AKR1C3: variants seen among roughly 807,000 people sequenced by gnomAD.
AKR1C3 encodes 3-alpha hydroxysteroid dehydrogenase, type II.
AKR1C3 carries 48 observed loss-of-function variants against 43.6 expected under a neutral mutation model. The ratio of observed to expected loss-of-function variants is 1.10; its 90% confidence interval spans 0.87 to 1.40. The LOEUF (loss-of-function observed/expected upper bound fraction) is 1.40, where lower values mean the gene tolerates loss of function less well. AKR1C3 is among the 40% of genes most tolerant of loss of function. The pLI, the probability that AKR1C3 is intolerant of heterozygous loss-of-function variation, is 0.00. For synonymous variants in AKR1C3, 162 were observed against 139.6 expected (o/e 1.16, Z -1.13); for missense variants, 482 against 391.2 (o/e 1.23, Z -1.96).
At chr10:5,086,760 C>T (rs1299842782) in intron 1 of AKR1C3, among the ~76,000 whole-genome samples, 6 of 152,146 alleles carry the variant, frequency 3.9e-5, no homozygotes, top group Admixed American at 3.9e-4. Flanking sequence ...CTGGGTGCTC[C>T]TGTATTGGAT....
At position 5,102,538 on chromosome 10, in the gene AKR1C3, C is replaced by A; in HGVS notation, c.734C>A (p.Ala245Glu). Residue 245 changes from alanine (A) to glutamate (E), a missense_variant, in exon 7 of 9, where the codon GCA (alanine) becomes GAA (glutamate). Physicochemically the swap from Ala to Glu is moderately radical, Grantham distance 107. Coordinates refer to ENST00000380554, the MANE Select transcript of AKR1C3 (RefSeq NM_003739.6). Reference protein sequence around the residue: ...LLEDPVLCALAKKHKRTPALI... With the variant: ...LLEDPVLCALEKKHKRTPALI... Reference sequence around the variant, plus strand: ...GAGGACCCAGTCCTTTGTGCCTTGGCAAAAAAGCACAAGCGAACCCCAGCC... The same window carrying A: ...GAGGACCCAGTCCTTTGTGCCTTGGAAAAAAAGCACAAGCGAACCCCAGCC... 6.4e-7 allele frequency: 1 copy of A among 1,573,298 alleles called. No homozygotes were observed. The highest frequency in any genetic ancestry group is 1.4e-5 in the African/African-American group (1 of 73,666).
At chr10:5,104,697 C>T (rs1172959137) in intron 7 of AKR1C3, among the ~76,000 whole-genome samples, 2 of 152,106 alleles carry the variant, frequency 1.3e-5, no homozygotes, top group Non-Finnish European at 2.9e-5. Flanking sequence ...TTGAGACTTT[C>T]AACCTATGAT....
chr10:5,077,649 CATT>C, intron 1 of AKR1C3: 1 of 1,065,208 alleles, frequency 9.4e-7, no homozygotes. Context: ...TTTTGCTGAA[CATT>C]CCCCTTAGTA....
chr10:5,049,499 C>G (rs7076574), intron 1 of AKR1C3, among the ~76,000 whole-genome samples: 20,298 of 152,216 alleles, frequency 0.13, 1,675 homozygotes, highest in East Asian at 0.23. Flanking sequence ...CGACTAGAAC[C>G]TAACAAGTTA....
intron 1 of AKR1C3, among the ~76,000 whole-genome samples, chr10:5,074,509 A>G (rs541019831): frequency 6.6e-6 from 1 of 152,206 alleles, no homozygotes; most frequent in Non-Finnish European, 1.5e-5. Flanking sequence ...AGGAAAGATT[A>G]ACTGACGGTC....
intron 1 of AKR1C3, among the ~76,000 whole-genome samples, chr10:5,075,704 G>A (rs1331599325): frequency 1.3e-4 from 20 of 152,048 alleles, no homozygotes; most frequent in African/African-American, 4.8e-4. Flanking sequence ...AAGAAACCCT[G>A]TCTCTACTAA....
chr10:5,056,985 C>G (rs912755320), intron 1 of AKR1C3, among the ~76,000 whole-genome samples: 9 of 152,180 alleles, frequency 5.9e-5, no homozygotes, highest in African/African-American at 1.9e-4. Context: ...AAGTCAATTT[C>G]CTGGTCCTGA....
intron 1 of AKR1C3, among the ~76,000 whole-genome samples, chr10:5,063,421 T>A (rs1838422075): frequency 6.6e-6 from 1 of 152,214 alleles, no homozygotes. Flanking sequence ...AATGTCATTT[T>A]AAAAAATCAC....
intron 1 of AKR1C3, among the ~76,000 whole-genome samples, chr10:5,068,702 G>C (rs1268117640): frequency 1.3e-5 from 2 of 152,188 alleles, no homozygotes; most frequent in Admixed American, 6.5e-5. Context: ...CCATGGAGAG[G>C]GGGTGGCAGG....
intron 1 of AKR1C3, among the ~76,000 whole-genome samples, chr10:5,077,386 T>A (rs1838737659): frequency 6.6e-6 from 1 of 152,200 alleles, no homozygotes; most frequent in African/African-American, 2.4e-5. Flanking sequence ...ATGGGTCATG[T>A]CAAGACTATA....
chr10:5,071,216 G>A (rs1480791724), intron 1 of AKR1C3, among the ~76,000 whole-genome samples: 1 of 152,196 alleles, frequency 6.6e-6, no homozygotes, highest in Non-Finnish European at 1.5e-5. Flanking sequence ...AAATTCCAAG[G>A]CCATAGTGAT....
At chr10:5,101,608 TTTTAATTAA>T (rs1196923159) in intron 5 of AKR1C3, among the ~76,000 whole-genome samples, 2 of 152,212 alleles carry the variant, frequency 1.3e-5, no homozygotes, top group African/African-American at 4.8e-5. Flanking sequence ...TCCTTAAGAT[TTTTAATTAA>T]TTTTATTAAT....
At chr10:5,067,953 A>C (rs1209820093) in intron 1 of AKR1C3, among the ~76,000 whole-genome samples, 3 of 152,218 alleles carry the variant, frequency 2.0e-5, no homozygotes, top group African/African-American at 7.2e-5. Context: ...TCTCCAAATT[A>C]GGTGCATTGT....
At chr10:5,048,912 T>C in intron 1 of AKR1C3, 1 of 1,607,624 alleles carries the variant, frequency 6.2e-7, no homozygotes, top group South Asian at 1.1e-5. Context: ...ATAATGTTTT[T>C]GGTGCAGAGA....
At position 5,097,430 on chromosome 10, in the gene AKR1C3, G is replaced by A. The variant is rs1554785295; in HGVS notation, c.253-4G>A. 3 of 1,613,250 alleles carry A rather than the reference G, an allele frequency of 1.9e-6. No homozygotes were observed. Among genetic ancestry groups the A allele is most frequent in the South Asian group, 1.1e-5 (1 of 91,022 alleles). ...AAATCACCTCCATTCTTTAACCTCT[G>A]CAGCTTTGGTCCACTTTTCATCGAC... On this transcript the variant is annotated splice_region_variant and splice_polypyrimidine_tract_variant and intron_variant, in intron 2 of 8. Coordinates refer to ENST00000380554, the MANE Select transcript of AKR1C3 (RefSeq NM_003739.6).
intron 1 of AKR1C3, among the ~76,000 whole-genome samples, chr10:5,070,444 G>A (rs72772192): frequency 0.043 from 6,513 of 152,322 alleles, 175 homozygotes; most frequent in Middle Eastern, 0.061. Context: ...CAAGGGCCTC[G>A]TTACAGAATT....
intron 1 of AKR1C3, among the ~76,000 whole-genome samples, chr10:5,085,989 G>T (rs1462428070): frequency 6.6e-6 from 1 of 151,658 alleles, no homozygotes; most frequent in Non-Finnish European, 1.5e-5. Flanking sequence ...AGTCTTGCTA[G>T]CAGTCTATCA....
In AKR1C3 at chr10:5,051,045, G is replaced by T. The variant is rs145641321; in HGVS notation, c.84+2150G>T. 1.3e-3 allele frequency among the ~76,000 whole-genome samples: 194 copies of T among 152,280 alleles called. 1 individual carries two copies. Among genetic ancestry groups the T allele is most frequent in the Non-Finnish European group, 2.6e-3 (174 of 68,022 alleles). ...GTCAGAATGACTCTTTGCTCTGTAGGCAGATGTACAGGAATGTTTTTGAAG... is the reference window on the plus strand; with the variant it reads ...GTCAGAATGACTCTTTGCTCTGTAGTCAGATGTACAGGAATGTTTTTGAAG... On this transcript the variant is annotated intron_variant, in intron 1 of 8. Transcript: ENST00000439082.
At chr10:5,050,870 TA>T (rs1343117896) in intron 1 of AKR1C3, among the ~76,000 whole-genome samples, 1 of 152,160 alleles carries the variant, frequency 6.6e-6, no homozygotes, top group Non-Finnish European at 1.5e-5. Flanking sequence ...CACTAGGTAA[TA>T]AATAAAGTAA....
Sources: allele counts gnomAD v4.1 joint callset (sites outside exome capture counted in the v4.1 genomes callset), GRCh38; gene constraint gnomAD v4.1.1; transcripts MANE v1.5; gene names NCBI Gene and HGNC (gene_info 2026-07-23, HGNC 2026-07-21).